The following TGFA variants were observed in gnomAD, a reference collection of about 807,000 sequenced individuals.
TGFA encodes protransforming growth factor alpha.
In TGFA, 12 loss-of-function variants were observed where a neutral mutation model predicts 21.7. That is an observed-to-expected ratio of 0.55 (90% CI 0.35 to 0.90). TGFA has a LOEUF of 0.90. Among genes scored for constraint, TGFA ranks in the 40% least tolerant of loss-of-function variants. TGFA has a pLI of 0.01. For synonymous variants in TGFA, 79 were observed against 88.1 expected (o/e 0.90, Z 0.58); for missense variants, 178 against 210.8 (o/e 0.84, Z 0.96).
intron 2 of TGFA, among the ~76,000 whole-genome samples, chr2:70,495,312 A>C (rs1339540110): frequency 6.6e-6 from 1 of 152,108 alleles, no homozygotes; most frequent in Non-Finnish European, 1.5e-5. Flanking sequence ...GCAATGTTTT[A>C]ATTATTTCAG....
At chr2:70,526,127 G>C (rs1286472756) in intron 1 of TGFA, among the ~76,000 whole-genome samples, 2 of 152,194 alleles carry the variant, frequency 1.3e-5, no homozygotes, top group Non-Finnish European at 2.9e-5. Flanking sequence ...AAGGACCATG[G>C]TGATCCAACC....
chr2:70,473,805 C>A (rs1488404933), intron 2 of TGFA, among the ~76,000 whole-genome samples: 6 of 152,058 alleles, frequency 3.9e-5, no homozygotes, highest in African/African-American at 1.2e-4. Flanking sequence ...GTTTAGCCTG[C>A]AGTACCATCA....
intron 3 of TGFA, among the ~76,000 whole-genome samples, chr2:70,456,693 G>T (rs1477618244): frequency 6.6e-6 from 1 of 152,228 alleles, no homozygotes; most frequent in Non-Finnish European, 1.5e-5. Flanking sequence ...AGAAGGGAAG[G>T]GGAATCTAAT....
rs112982024 is a variant in TGFA, at chr2:70,518,179, G to T, written c.41-3267C>A. ...TCAAAGCAGGTCCTTGCCCGCCGCA[G>T]GCCCTCGGGACAGGAAGGCTTCTAG... On this transcript the variant is annotated intron_variant, in intron 1 of 5. Transcript: ENST00000295400. 4.0e-3 allele frequency among the ~76,000 whole-genome samples: 603 copies of T among 152,360 alleles called. 4 individuals are homozygous for T. The highest frequency in any genetic ancestry group is 0.014 in the African/African-American group (578 of 41,586).
intron 1 of TGFA, among the ~76,000 whole-genome samples, chr2:70,529,484 T>C (rs1559137636): frequency 6.6e-6 from 1 of 152,136 alleles, no homozygotes; most frequent in Admixed American, 6.5e-5. Context: ...ATCATGGATG[T>C]CTTTTCTGAA....
intron 1 of TGFA, among the ~76,000 whole-genome samples, chr2:70,526,514 C>G (rs1338774097): frequency 6.6e-6 from 1 of 152,170 alleles, no homozygotes; most frequent in Non-Finnish European, 1.5e-5. Context: ...GTTGTATGGG[C>G]AGAATCTCAT....
chr2:70,493,238 G>A (rs1041889607), intron 2 of TGFA, among the ~76,000 whole-genome samples: 1 of 152,164 alleles, frequency 6.6e-6, no homozygotes, highest in Non-Finnish European at 1.5e-5. Flanking sequence ...CACTGACTGC[G>A]GCTTTCTATG....
At chr2:70,535,599 A>G (rs894998305) in intron 1 of TGFA, among the ~76,000 whole-genome samples, 8 of 152,224 alleles carry the variant, frequency 5.3e-5, no homozygotes, top group Non-Finnish European at 1.0e-4. Flanking sequence ...GATATATCCT[A>G]CATGGGATGA....
intron 1 of TGFA, 64 bp from the exon 2 acceptor site, chr2:70,514,976 C>T: frequency 6.6e-7 from 1 of 1,507,944 alleles, no homozygotes; most frequent in Non-Finnish European, 9.1e-7. Context: ...TCCTCAGACG[C>T]TTAGAGGGCA....
chr2:70,474,908 G>T (rs1670874393), intron 2 of TGFA, among the ~76,000 whole-genome samples: 1 of 151,898 alleles, frequency 6.6e-6, no homozygotes, highest in African/African-American at 2.4e-5. Context: ...TATTGGTAAA[G>T]AAACACACAA....
At chr2:70,470,703 G>A (rs928968990) in intron 2 of TGFA, among the ~76,000 whole-genome samples, 4 of 152,208 alleles carry the variant, frequency 2.6e-5, no homozygotes, top group African/African-American at 9.7e-5. Flanking sequence ...CTCGCTCTGT[G>A]TATTCAGAGA....
intron 2 of TGFA, among the ~76,000 whole-genome samples, chr2:70,483,330 A>G (rs1454909270): frequency 6.6e-6 from 1 of 152,206 alleles, no homozygotes; most frequent in East Asian, 1.9e-4. Context: ...TACATCATTA[A>G]AGTCAGAAAT....
chr2:70,459,916 C>T (rs1553491253), intron 3 of TGFA, among the ~76,000 whole-genome samples: 3 of 152,166 alleles, frequency 2.0e-5, no homozygotes, highest in East Asian at 1.9e-4. Context: ...GTAACTGCCT[C>T]ATCATTGGGA....
In TGFA at chr2:70,465,715, G is replaced by A. The variant is rs373378868; in HGVS notation, c.116C>T (p.Ala39Val). Reference sequence around the variant, plus strand: ...GCAGTCATTAAAATGGGACACCACTGCTGCAGCCACGGGCGGGTCTGCTGG... The same window carrying A: ...GCAGTCATTAAAATGGGACACCACTACTGCAGCCACGGGCGGGTCTGCTGG... ...PLSADPPVAA[A>V]VVSHFNDCPD... Residue 39 changes from alanine (A) to valine (V), a missense_variant, in exon 3 of 6, where the codon GCA becomes GTA. Coordinates refer to ENST00000295400, the MANE Select transcript of TGFA (RefSeq NM_003236.4). The A allele has an allele frequency of 3.1e-6, 5 of 1,614,002 alleles. No homozygotes were observed. In the African/African-American group the frequency reaches 4.0e-5, roughly 13 times the overall value.
At chr2:70,460,519 C>G (rs1255747470) in intron 3 of TGFA, among the ~76,000 whole-genome samples, 1 of 152,182 alleles carries the variant, frequency 6.6e-6, no homozygotes, top group Non-Finnish European at 1.5e-5. Context: ...CTGCTGTTCT[C>G]TCCTTTGCCT....
intron 2 of TGFA, among the ~76,000 whole-genome samples, chr2:70,476,259 C>T (rs1207689634): frequency 2.0e-5 from 3 of 152,128 alleles, no homozygotes; most frequent in African/African-American, 7.2e-5. Context: ...TAATTACATC[C>T]TCTTGGTGTC....
Position 70,448,756 on chromosome 2 carries a change from C to T in TGFA, c.*2103G>A, listed in dbSNP as rs1669961755. The T allele has an allele frequency of 6.6e-6, 1 of 152,204 alleles. No individual in the cohort carries two copies. Among genetic ancestry groups the T allele is most frequent in the Non-Finnish European group, 1.5e-5 (1 of 68,038 alleles). The allele number at this position is 152,204 out of a possible 1,614,324, so 9.4% of individuals were successfully genotyped here. On this transcript the variant is annotated 3_prime_UTR_variant, in exon 6 of 6. Transcript: ENST00000295400. Reference sequence around the variant, plus strand: ...TTCTAGGGAGGCGTATATGTGAGGCCTCTCACTGCATGTGTGTTACAGGCA... The same window carrying T: ...TTCTAGGGAGGCGTATATGTGAGGCTTCTCACTGCATGTGTGTTACAGGCA...
intron 2 of TGFA, among the ~76,000 whole-genome samples, chr2:70,483,846 C>G (rs1553496143): frequency 6.6e-6 from 1 of 152,230 alleles, no homozygotes; most frequent in Non-Finnish European, 1.5e-5. Flanking sequence ...TTTGTCACCT[C>G]TTGGGACACA....
chr2:70,553,703 G>T, intron 1 of TGFA, 25 bp downstream of exon 1: 2 of 1,332,470 alleles, frequency 1.5e-6, no homozygotes, highest in Non-Finnish European at 9.6e-7. Context: ...CGCGGCGCAG[G>T]GGGCGCCGCA....
Sources: allele counts gnomAD v4.1 joint callset (sites outside exome capture counted in the v4.1 genomes callset), GRCh38; gene constraint gnomAD v4.1.1; transcripts MANE v1.5; gene names NCBI Gene and HGNC (gene_info 2026-07-23, HGNC 2026-07-21).